Variants in COL23A1 observed in about 807,000 individuals in gnomAD.
COL23A1 encodes the protein collagen alpha-1(XXIII) chain.
Under a neutral mutation model 99.3 loss-of-function variants are expected in COL23A1, and 97 were observed. The ratio of observed to expected loss-of-function variants is 0.98; its 90% confidence interval spans 0.83 to 1.16. COL23A1 has a LOEUF of 1.16. Ranked by LOEUF, COL23A1 falls within the 50% of genes most tolerant of loss-of-function variation. The probability of loss-of-function intolerance (pLI) is 0.00; values close to 1 mark genes in which losing one functional copy is unlikely to be tolerated. For synonymous variants in COL23A1, 320 were observed against 308.2 expected, an observed-to-expected ratio of 1.04 and a Z score of -0.40; for missense variants, 762 against 757.4, an observed-to-expected ratio of 1.01 and a Z score of -0.07.
chr5:178,257,273 G>A (rs1765357837), intron 13 of COL23A1, among the ~76,000 whole-genome samples: 1 of 152,190 alleles, frequency 6.6e-6, no homozygotes. Context: ...CTTGGGGACA[G>A]GGCAGAGAGT....
chr5:178,515,664 C>G (rs1284684957), intron 2 of COL23A1, among the ~76,000 whole-genome samples: 1 of 152,198 alleles, frequency 6.6e-6, no homozygotes, highest in Non-Finnish European at 1.5e-5. Flanking sequence ...CCCCCGCTCC[C>G]CGCCTCTGCT....
intron 2 of COL23A1, among the ~76,000 whole-genome samples, chr5:178,489,830 C>A (rs184954055): frequency 6.6e-6 from 1 of 152,278 alleles, no homozygotes; most frequent in African/African-American, 2.4e-5. Context: ...ATGTTCCTAA[C>A]AGCACTATTT....
intron 2 of COL23A1, among the ~76,000 whole-genome samples, chr5:178,316,176 C>T (rs528096437): frequency 1.3e-5 from 2 of 152,020 alleles, no homozygotes; most frequent in Admixed American, 1.3e-4. Context: ...AATACACGTT[C>T]GTAATTCGAT....
At chr5:178,526,761 GACT>G (rs1268017456) in intron 2 of COL23A1, among the ~76,000 whole-genome samples, 1 of 152,158 alleles carries the variant, frequency 6.6e-6, no homozygotes, top group Non-Finnish European at 1.5e-5. Flanking sequence ...TTCAAACTCA[GACT>G]ACAGCCCCCA....
In COL23A1 at chr5:178,559,739, T is replaced by C. The variant is rs650534; in HGVS notation, c.361+943A>G. Among the ~76,000 whole-genome samples the C allele has an allele frequency of 2.9e-3, 279 of 97,286 alleles. 1 individual carries two copies. The highest frequency in any genetic ancestry group is 5.8e-3 in the African/African-American group (134 of 23,132). The allele number at this position is 97,286 out of a possible 152,430, so 63.8% of individuals were successfully genotyped here. A position where few individuals can be genotyped will look rare whatever the true frequency, so the allele number is the denominator to read the frequency against. On this transcript the variant is annotated intron_variant, in intron 2 of 28. Coordinates refer to ENST00000390654, the MANE Select transcript of COL23A1 (RefSeq NM_173465.4). ...CACCCAAAAGCCACCTTTCCCTGCA[T>C]GTCGAGAAGTCTGAGACACATCACC... is the stretch of plus-strand genomic sequence containing the variant.
In COL23A1 at chr5:178,544,761, A is replaced by T. The variant is rs1333522947; in HGVS notation, c.361+15921T>A. 1.3e-5 allele frequency among the ~76,000 whole-genome samples: 2 copies of T among 152,110 alleles called. No individual in the cohort carries two copies. The highest frequency in any genetic ancestry group is 2.9e-5 in the Non-Finnish European group (2 of 68,008). On this transcript the variant is annotated intron_variant, in intron 2 of 28. Coordinates refer to ENST00000390654, the MANE Select transcript of COL23A1 (RefSeq NM_173465.4). The surrounding 1 kb of genome is among the most constrained non-coding windows in gnomAD (Gnocchi z 4.4). ...CCAGGTCACCTGCTGCCCCCGTGCC[A>T]CTGGGGTAGTACGTTCGGGCCAGAC...
intron 2 of COL23A1, among the ~76,000 whole-genome samples, chr5:178,332,488 C>T (rs1440829900): frequency 6.6e-6 from 1 of 152,322 alleles, no homozygotes; most frequent in East Asian, 1.9e-4. Flanking sequence ...CCTCCCACTA[C>T]CCTTTTTTCT....
chr5:178,238,411 A>G lies in COL23A1; in HGVS notation c.*287T>C, dbSNP rs2127518186. On this transcript the variant is annotated 3_prime_UTR_variant, in exon 29 of 29. Transcript: ENST00000390654. ...GATCAGGTGACTGAAGGCCCAACGTAGCATCTTTCTAGCCTTGCCCGAGCC... is the reference window on the plus strand; with the variant it reads ...GATCAGGTGACTGAAGGCCCAACGTGGCATCTTTCTAGCCTTGCCCGAGCC... 2 of 482,086 alleles carry G rather than the reference A, an allele frequency of 4.1e-6. No homozygotes were observed. The highest frequency in any genetic ancestry group is 3.6e-5 in the East Asian group (1 of 28,020). 29.9% of individuals were successfully genotyped at this position (482,086 alleles called of 1,614,324 possible). A position where few individuals can be genotyped will look rare whatever the true frequency, so the allele number is the denominator to read the frequency against.
chr5:178,327,049 T>A (rs963474640), intron 2 of COL23A1, among the ~76,000 whole-genome samples: 1 of 152,228 alleles, frequency 6.6e-6, no homozygotes, highest in Admixed American at 6.5e-5. Flanking sequence ...CGGGGGTGAA[T>A]GAATGACTTT....
At chr5:178,374,362 C>T (rs182097276) in intron 2 of COL23A1, among the ~76,000 whole-genome samples, 97 of 152,326 alleles carry the variant, frequency 6.4e-4, no homozygotes, top group Non-Finnish European at 9.0e-4. Context: ...ACTTCCTTGA[C>T]GCCTCATAAT....
intron 5 of COL23A1, among the ~76,000 whole-genome samples, chr5:178,282,052 C>CAAAAAAAAAAAAAAA (rs70994994): frequency 2.0e-5 from 2 of 98,704 alleles, no homozygotes; most frequent in Non-Finnish European, 2.1e-5. Context: ...ACACTGTCTC[C>CAAAAAAAAAAAAAAA]AAAAAAAAAA....
chr5:178,358,070 GTGTA>G (rs1245404413), intron 2 of COL23A1, among the ~76,000 whole-genome samples: 20 of 144,662 alleles, frequency 1.4e-4, no homozygotes, highest in African/African-American at 4.7e-4. Flanking sequence ...TGTGTATTGT[GTGTA>G]TGTGTATGTA....
chr5:178,302,256 C>T (rs1297006372), intron 3 of COL23A1, among the ~76,000 whole-genome samples: 1 of 121,176 alleles, frequency 8.3e-6, no homozygotes. Flanking sequence ...CCTCTGTGTG[C>T]GCCGGAGCAC....
Position 178,255,923 on chromosome 5 carries a change from CA to C in COL23A1, c.882+429del. 3.6e-6 allele frequency: 1 copy of C among 279,332 alleles called. No homozygotes were observed. 17.3% of individuals were successfully genotyped at this position (279,332 alleles called of 1,614,324 possible). ...AAGGTATGTTGATAGGGGCTGGTCA[CA>C]AAAGATCTGGGGCAGGCTGGGGTGC... On this transcript the variant is annotated intron_variant, in intron 15 of 28. Transcript: ENST00000390654. This position sits in a 1 kb window ranked among gnomAD's most constrained non-coding sequence, Gnocchi z 4.2.
intron 2 of COL23A1, among the ~76,000 whole-genome samples, chr5:178,398,198 C>G (rs1046682410): frequency 6.6e-6 from 1 of 152,152 alleles, no homozygotes; most frequent in Non-Finnish European, 1.5e-5. Context: ...AGTGACAGAG[C>G]CTTTGAATAT....
intron 2 of COL23A1, among the ~76,000 whole-genome samples, chr5:178,493,564 A>T (rs545880488): frequency 6.6e-6 from 1 of 152,350 alleles, no homozygotes; most frequent in East Asian, 1.9e-4. Flanking sequence ...TTGCAGGAGT[A>T]ACCTCTGAAG....
At chr5:178,383,898 A>C (rs1164211571) in intron 2 of COL23A1, among the ~76,000 whole-genome samples, 1 of 151,646 alleles carries the variant, frequency 6.6e-6, no homozygotes, top group African/African-American at 2.4e-5. Context: ...AAAAAAAGGC[A>C]GAGACGAAAA....
intron 4 of COL23A1, 51 bp from the exon 5 acceptor site, chr5:178,288,401 T>C: frequency 1.3e-6 from 2 of 1,510,814 alleles, no homozygotes; most frequent in Non-Finnish European, 1.8e-6. Flanking sequence ...AGAAACCATA[T>C]GGCAACACTT....
At position 178,271,803 on chromosome 5, in the gene COL23A1, G is replaced by A. The variant is rs1224349065; in HGVS notation, c.442-1440C>T. On this transcript the variant is annotated intron_variant, in intron 5 of 28. Transcript: ENST00000390654. ...ACGTTGGGGTATTTGGACCTAACAA[G>A]TGTGTGTGTGGGGGCGGGGAGGGCC... Among the ~76,000 whole-genome samples, 12 of 152,328 alleles carry A rather than the reference G, an allele frequency of 7.9e-5. No homozygotes were observed. In the East Asian group the frequency reaches 2.3e-3, roughly 29 times the overall value.
Sources: allele counts gnomAD v4.1 joint callset (sites outside exome capture counted in the v4.1 genomes callset), GRCh38; gene constraint gnomAD v4.1.1; non-coding constraint Gnocchi (gnomAD v3.1); transcripts MANE v1.5; gene names NCBI Gene and HGNC (gene_info 2026-07-23, HGNC 2026-07-21).